SYT1: variants seen among roughly 807,000 people sequenced by gnomAD.
SYT1 encodes synaptotagmin 1.
Under a neutral mutation model 44.8 loss-of-function variants are expected in SYT1, and 8 were observed. The observed-to-expected ratio is 0.18, with a 90% CI of 0.10 to 0.32. The LOEUF (loss-of-function observed/expected upper bound fraction) is 0.32, where lower values mean the gene tolerates loss of function less well. SYT1 is among the 10% of genes least tolerant of loss of function. SYT1 has a pLI of 1.00. For missense variants in SYT1, 286 were observed against 509.3 expected, an observed-to-expected ratio of 0.56 and a Z score of 4.22; for synonymous variants, 154 against 188.8, an observed-to-expected ratio of 0.82 and a Z score of 1.51.
chr12:79,217,389 T>C, intron 3 of SYT1, 114 bp from the exon 4 acceptor site: 1 of 847,784 alleles, frequency 1.2e-6, no homozygotes, highest in Non-Finnish European at 1.7e-6. Flanking sequence ...TGATGGACTA[T>C]TTACCCAGTG....
intron 1 of SYT1, among the ~76,000 whole-genome samples, chr12:78,886,415 C>T (rs1242953523): frequency 6.6e-6 from 1 of 151,778 alleles, no homozygotes; most frequent in Non-Finnish European, 1.5e-5. Flanking sequence ...AGATTGATAC[C>T]AACATTCACA....
chr12:78,884,286 T>G (rs952796384), intron 1 of SYT1, among the ~76,000 whole-genome samples: 1 of 151,652 alleles, frequency 6.6e-6, no homozygotes, highest in Non-Finnish European at 1.5e-5. Context: ...TTTAAATGTA[T>G]AGTTATATAT....
At chr12:78,872,844 T>C (rs1473381944) in intron 1 of SYT1, among the ~76,000 whole-genome samples, 1 of 151,754 alleles carries the variant, frequency 6.6e-6, no homozygotes, top group Non-Finnish European at 1.5e-5. Context: ...TTTAATTTGT[T>C]TATGTAATTG....
At chr12:79,266,988 C>T (rs1324305525) in intron 4 of SYT1, among the ~76,000 whole-genome samples, 1 of 152,136 alleles carries the variant, frequency 6.6e-6, no homozygotes, top group Non-Finnish European at 1.5e-5. Flanking sequence ...TTCTTCTCCA[C>T]CCAAGCATAG....
At chr12:79,280,243 T>C (rs1006269254) in intron 4 of SYT1, among the ~76,000 whole-genome samples, 1 of 152,078 alleles carries the variant, frequency 6.6e-6, no homozygotes, top group Non-Finnish European at 1.5e-5. Flanking sequence ...CTTAAAATTA[T>C]ACTACAAGGC....
chr12:78,880,211 A>T (rs1874378683), intron 1 of SYT1, among the ~76,000 whole-genome samples: 1 of 151,774 alleles, frequency 6.6e-6, no homozygotes, highest in Admixed American at 6.6e-5. Flanking sequence ...CCTCACAAAT[A>T]GTAATTAGTC....
At chr12:79,364,428 A>G (rs1234512779) in intron 9 of SYT1, among the ~76,000 whole-genome samples, 2 of 152,176 alleles carry the variant, frequency 1.3e-5, no homozygotes, top group Non-Finnish European at 2.9e-5. Flanking sequence ...GCAATGATTC[A>G]GCATCTTACT....
intron 1 of SYT1, among the ~76,000 whole-genome samples, chr12:78,876,888 TA>T (rs1396981923): frequency 1.5e-5 from 1 of 64,840 alleles, no homozygotes. Context: ...GTATTATATA[TA>T]ATATATATTA....
chr12:79,068,187 A>T (rs1414354154), intron 3 of SYT1, among the ~76,000 whole-genome samples: 1 of 152,164 alleles, frequency 6.6e-6, no homozygotes, highest in Non-Finnish European at 1.5e-5. Flanking sequence ...TCAACTTTCA[A>T]TCTGGTTTTG....
chr12:79,039,575 G>T (rs1267249080), intron 2 of SYT1, among the ~76,000 whole-genome samples: 1 of 150,850 alleles, frequency 6.6e-6, no homozygotes, highest in Non-Finnish European at 1.5e-5. Context: ...TTTTTTAATT[G>T]ATTCTACCAC....
At chr12:78,919,968 G>A (rs2137158007) in intron 1 of SYT1, among the ~76,000 whole-genome samples, 1 of 151,772 alleles carries the variant, frequency 6.6e-6, no homozygotes, top group East Asian at 1.9e-4. Context: ...TGTATGCATT[G>A]CCAGCCTCAG....
At chr12:79,154,395 G>T (rs946348068) in intron 3 of SYT1, among the ~76,000 whole-genome samples, 2 of 151,166 alleles carry the variant, frequency 1.3e-5, no homozygotes, top group South Asian at 4.2e-4. Context: ...ACATAGGTAC[G>T]TTTTTTTCTC....
intron 8 of SYT1, among the ~76,000 whole-genome samples, chr12:79,323,986 T>A (rs1426467728): frequency 6.8e-6 from 1 of 148,068 alleles, no homozygotes; most frequent in African/African-American, 2.5e-5. Context: ...AGTCTTCCTC[T>A]GTCACCCAGG....
intron 1 of SYT1, among the ~76,000 whole-genome samples, chr12:78,944,531 G>A (rs1385222017): frequency 6.6e-6 from 1 of 151,902 alleles, no homozygotes; most frequent in Non-Finnish European, 1.5e-5. Flanking sequence ...CTCCTGGGGG[G>A]AAATGCAGTT....
In SYT1 at chr12:79,393,361, A is replaced by C. The variant is rs149327425; in HGVS notation, c.928+39742A>C. 5.6e-4 allele frequency: 85 copies of C among 152,304 alleles called. 1 individual carries two copies. The highest frequency in any genetic ancestry group is 1.8e-3 in the African/African-American group (75 of 41,558). The allele number at this position is 152,304 out of a possible 1,614,324, so 9.4% of individuals were successfully genotyped here. ...GGTCAAATGGTATTTCTAGTTCTAG[A>C]TCCTTGAGGAATCACCACACTGTCT... is the stretch of plus-strand genomic sequence containing the variant. On this transcript the variant is annotated intron_variant, in intron 9 of 10. Coordinates refer to ENST00000261205, the MANE Select transcript of SYT1 (RefSeq NM_005639.3).
intron 3 of SYT1, among the ~76,000 whole-genome samples, chr12:79,142,429 A>G (rs1171049094): frequency 6.6e-6 from 1 of 152,246 alleles, no homozygotes; most frequent in Non-Finnish European, 1.5e-5. Flanking sequence ...AGAAATAAAT[A>G]GAGGGCTGGC....
At chr12:79,130,750 A>T (rs966389464) in intron 3 of SYT1, among the ~76,000 whole-genome samples, 10 of 152,092 alleles carry the variant, frequency 6.6e-5, no homozygotes. Flanking sequence ...GCTGCTTGTT[A>T]TGTCATAAAT....
intron 3 of SYT1, among the ~76,000 whole-genome samples, chr12:79,162,607 C>A (rs761396046): frequency 6.6e-6 from 1 of 152,086 alleles, no homozygotes; most frequent in Non-Finnish European, 1.5e-5. Context: ...GCTAATGTAA[C>A]CTAGTATTGC....
intron 2 of SYT1, among the ~76,000 whole-genome samples, chr12:78,979,209 T>C (rs906770789): frequency 3.3e-5 from 5 of 152,190 alleles, no homozygotes; most frequent in African/African-American, 9.6e-5. Context: ...ATTTTAATCA[T>C]TTTACAATGA....
Sources: allele counts gnomAD v4.1 joint callset (sites outside exome capture counted in the v4.1 genomes callset), GRCh38; gene constraint gnomAD v4.1.1; transcripts MANE v1.5; gene names NCBI Gene and HGNC (gene_info 2026-07-23, HGNC 2026-07-21).